ANTXR1: variants seen among roughly 807,000 people sequenced by gnomAD.
ANTXR1 encodes ANTXR cell adhesion molecule 1.
Under a neutral mutation model 78.1 loss-of-function variants are expected in ANTXR1, and 19 were observed. The observed-to-expected ratio is 0.24, with a 90% CI of 0.17 to 0.36. ANTXR1 has a LOEUF of 0.36. ANTXR1 is among the 10% of genes least tolerant of loss of function. ANTXR1 has a pLI of 1.00. For missense variants in ANTXR1, 518 were observed against 718.6 expected (o/e 0.72, Z 3.19); for synonymous variants, 273 against 260.5 (o/e 1.05, Z -0.46).
chr2:69,029,098 G>C (rs1018444840), intron 1 of ANTXR1, among the ~76,000 whole-genome samples: 2 of 151,084 alleles, frequency 1.3e-5, no homozygotes, highest in Non-Finnish European at 2.9e-5. Context: ...GCGTGGTGGC[G>C]CGTGCCTGCT....
intron 3 of ANTXR1, among the ~76,000 whole-genome samples, chr2:69,048,035 A>G (rs936707887): frequency 6.6e-6 from 1 of 152,162 alleles, no homozygotes; most frequent in East Asian, 1.9e-4. Context: ...CCTTAGTATA[A>G]TAGAGTATAC....
chr2:69,177,823 CA>C (rs1674173112), intron 14 of ANTXR1, among the ~76,000 whole-genome samples: 2 of 152,176 alleles, frequency 1.3e-5, no homozygotes, highest in African/African-American at 4.8e-5. Context: ...CGGCCACCCC[CA>C]CCACTCGGGG....
Position 69,149,105 on chromosome 2 carries a change from A to C in ANTXR1, c.952-3064A>C, listed in dbSNP as rs558871377. ...CAGGGGCTTCTGGAAGATCTCAAAA[A>C]ACAGACAGTGCATTCGGGGGCTTTA... On this transcript the variant is annotated intron_variant, in intron 12 of 17. Coordinates refer to ENST00000303714, the MANE Select transcript of ANTXR1 (RefSeq NM_032208.3). Among the ~76,000 whole-genome samples the C allele has an allele frequency of 3.3e-5, 5 of 152,324 alleles. No homozygotes were observed. In the East Asian group the frequency reaches 9.6e-4, roughly 29 times the overall value.
At chr2:69,213,327 A>G (rs1212313153) in intron 17 of ANTXR1, among the ~76,000 whole-genome samples, 1 of 152,172 alleles carries the variant, frequency 6.6e-6, no homozygotes, top group Non-Finnish European at 1.5e-5. Flanking sequence ...ATGGCTGGGC[A>G]GCCTATAATC....
At position 69,145,382 on chromosome 2, in the gene ANTXR1, A is replaced by T. The variant is rs1395370376; in HGVS notation, c.952-6787A>T. 1.9e-6 allele frequency: 3 copies of T among 1,595,402 alleles called. No individual in the cohort carries two copies. In the African/African-American group the frequency reaches 4.0e-5, roughly 21 times the overall value. On this transcript the variant is annotated intron_variant, in intron 12 of 17. Coordinates refer to ENST00000303714, the MANE Select transcript of ANTXR1 (RefSeq NM_032208.3). ...CAGCTGCTTGCATGGAATAGCAGAG[A>T]ATACCGCCTGCTCCCTCCGGACAGC...
intron 12 of ANTXR1, among the ~76,000 whole-genome samples, chr2:69,129,737 A>C (rs1672668902): frequency 6.6e-6 from 1 of 150,838 alleles, no homozygotes; most frequent in Non-Finnish European, 1.5e-5. Context: ...GTAACAGAGC[A>C]AGACTCCATC....
At chr2:69,210,935 C>CAAAAAA (rs1159790329) in intron 17 of ANTXR1, among the ~76,000 whole-genome samples, 60 of 43,032 alleles carry the variant, frequency 1.4e-3, no homozygotes, top group East Asian at 2.0e-3. Flanking sequence ...GACTCCATCA[C>CAAAAAA]AAAAAAAAAA....
intron 17 of ANTXR1, among the ~76,000 whole-genome samples, chr2:69,230,543 T>C (rs923453742): frequency 6.6e-5 from 10 of 152,140 alleles, no homozygotes; most frequent in African/African-American, 2.4e-4. Context: ...TGTGTCCAAG[T>C]ATTTATTAAT....
At chr2:69,018,618 C>T (rs1188972795) in intron 1 of ANTXR1, among the ~76,000 whole-genome samples, 3 of 152,144 alleles carry the variant, frequency 2.0e-5, no homozygotes, top group Admixed American at 6.5e-5. Flanking sequence ...GTAGGTAGGG[C>T]GAAGCATGAC....
intron 17 of ANTXR1, among the ~76,000 whole-genome samples, chr2:69,196,229 A>G (rs1674666160): frequency 6.6e-6 from 1 of 152,270 alleles, no homozygotes; most frequent in Non-Finnish European, 1.5e-5. Context: ...CCAGCCATGC[A>G]AAATAATAGA....
At chr2:69,237,132 C>G (rs557127524) in intron 17 of ANTXR1, among the ~76,000 whole-genome samples, 2 of 152,156 alleles carry the variant, frequency 1.3e-5, no homozygotes, top group South Asian at 2.1e-4. Flanking sequence ...TTATTTCTAC[C>G]CTTTCCTTCA....
At chr2:69,088,605 G>A (rs1671129523) in intron 8 of ANTXR1, among the ~76,000 whole-genome samples, 1 of 152,144 alleles carries the variant, frequency 6.6e-6, no homozygotes, top group Non-Finnish European at 1.5e-5. Context: ...CCATCAAACA[G>A]GAAGAGCCCA....
intron 1 of ANTXR1, among the ~76,000 whole-genome samples, chr2:69,014,631 G>T (rs1292413655): frequency 6.6e-6 from 1 of 152,168 alleles, no homozygotes; most frequent in Non-Finnish European, 1.5e-5. Context: ...ACGATAAAAA[G>T]CCCCTCACAG....
At chr2:69,026,302 C>G (rs1671343539) in intron 1 of ANTXR1, among the ~76,000 whole-genome samples, 1 of 152,224 alleles carries the variant, frequency 6.6e-6, no homozygotes, top group African/African-American at 2.4e-5. Context: ...CACATACTAG[C>G]TGTATGTCCT....
At chr2:69,053,590 A>C (rs1669991296) in intron 3 of ANTXR1, among the ~76,000 whole-genome samples, 1 of 152,192 alleles carries the variant, frequency 6.6e-6, no homozygotes, top group Non-Finnish European at 1.5e-5. Flanking sequence ...TATATCAGTT[A>C]GCTATTTCTA....
chr2:69,175,816 G>A (rs1291449801), intron 14 of ANTXR1, among the ~76,000 whole-genome samples: 1 of 152,050 alleles, frequency 6.6e-6, no homozygotes, highest in East Asian at 1.9e-4. Context: ...TGGCTTTGAA[G>A]GATGAGCTTA....
rs778441350 is a variant in ANTXR1 at position 69,245,313 on chromosome 2, C to T, written c.1523C>T (p.Pro508Leu). 6.2e-7 allele frequency: 1 copy of T among 1,611,656 alleles called. No homozygotes were observed. Among genetic ancestry groups the T allele is most frequent in the Admixed American group, 1.7e-5 (1 of 59,774 alleles). Residue 508 changes from proline to leucine, a missense_variant, in exon 18 of 18, where the codon CCT (proline) becomes CTT (leucine). Pro to Leu is a moderately conservative substitution (Grantham distance 98). Coordinates refer to ENST00000303714, the MANE Select transcript of ANTXR1 (RefSeq NM_032208.3). ...NNAYHTSSPP[P>L]APIYTPPPPA... The stretch of plus-strand genomic sequence containing the variant: ...GCCTACCACACCTCCTCGCCGCCTC[C>T]TGCCCCCATCTACACTCCCCCACCT...
chr2:69,191,142 C>T (rs1029951925), intron 16 of ANTXR1, among the ~76,000 whole-genome samples: 4 of 152,224 alleles, frequency 2.6e-5, no homozygotes, highest in Admixed American at 6.5e-5. Context: ...ATGCAGCACA[C>T]AGCAGCAGTT....
chr2:69,166,504 A>G (rs1373346945), intron 13 of ANTXR1, among the ~76,000 whole-genome samples: 1 of 152,186 alleles, frequency 6.6e-6, no homozygotes, highest in Non-Finnish European at 1.5e-5. Context: ...GCAAATGGTC[A>G]CTTTCTGCTT....
Sources: gnomAD v4.1 joint callset for allele counts (sites outside exome capture counted in the v4.1 genomes callset) on GRCh38, gnomAD v4.1.1 for gene constraint, MANE v1.5 for transcripts, NCBI Gene and HGNC (gene_info 2026-07-23, HGNC 2026-07-21) for gene names.